Variants in FAM171B observed in about 807,000 individuals in gnomAD.
FAM171B encodes family with sequence similarity 171 member B, also known as protein FAM171B.
A neutral mutation model predicts 75.6 loss-of-function variants in FAM171B; 19 were observed. That is an observed-to-expected ratio of 0.25 (90% CI 0.18 to 0.37). FAM171B has a LOEUF of 0.37. Ranked by LOEUF, FAM171B falls within the 10% of genes least tolerant of loss-of-function variation. The pLI is 1.00. For missense variants in FAM171B, 848 were observed against 982.4 expected (o/e 0.86, Z 1.83); for synonymous variants, 367 against 361.7 (o/e 1.01, Z -0.17).
At position 186,753,993 on chromosome 2, in the gene FAM171B, C is replaced by T. The variant is rs371412229; in HGVS notation, c.956C>T (p.Thr319Ile). The T allele has an allele frequency of 2.5e-6, 4 of 1,613,240 alleles. No homozygotes were observed. The highest frequency in any genetic ancestry group is 3.4e-6 in the Non-Finnish European group (4 of 1,179,644). Residue 319 changes from threonine (T) to isoleucine (I), a missense_variant, in exon 6 of 8, where the codon ACA becomes ATA. Around this residue, in one of 3 missense-constraint regions of FAM171B, gnomAD observed 665 missense variants for 729.0 expected, o/e 0.91. Coordinates refer to ENST00000304698, the MANE Select transcript of FAM171B (RefSeq NM_177454.4). ...GAACATAACAATCATTTAATCTGGA[C>T]ATATGATGCACCACATTTGGGGTAC... ...VKEHNNHLIW[T>I]YDAPHLGYWI... is the part of the protein sequence containing the mutation.
At chr2:186,740,693 G>T (rs768965868) in intron 2 of FAM171B, among the ~76,000 whole-genome samples, 38 of 152,140 alleles carry the variant, frequency 2.5e-4, no homozygotes, top group Admixed American at 4.6e-4. Flanking sequence ...TTTATTTCTT[G>T]CAGTTCTGGA....
Position 186,740,396 on chromosome 2 carries a change from C to G in FAM171B, c.407C>G (p.Thr136Ser), listed in dbSNP as rs200992002. 6.2e-7 allele frequency: 1 copy of G among 1,614,026 alleles called. No homozygotes were observed. The highest frequency in any genetic ancestry group is 1.6e-4 in the Middle Eastern group (1 of 6,062). Residue 136 changes from threonine (T) to serine (S), a missense_variant, in exon 2 of 8, where the codon ACT (threonine) becomes AGT (serine). Physicochemically the swap from Thr to Ser is moderately conservative, Grantham distance 58. Transcript: ENST00000304698. ...KVPYKLGLSL[T>S]IIAYKDGYVL... ...CCCTACAAATTAGGACTTAGTTTAACTATTATTGCTTACAAAGATGGCTAC... is the reference window on the plus strand; with the variant it reads ...CCCTACAAATTAGGACTTAGTTTAAGTATTATTGCTTACAAAGATGGCTAC...
chr2:186,702,658 A>G (rs1423633588), intron 1 of FAM171B, among the ~76,000 whole-genome samples: 1 of 152,150 alleles, frequency 6.6e-6, no homozygotes, highest in Admixed American at 6.6e-5. Context: ...AGTGATTCAG[A>G]GTGCCATTTC....
At position 186,707,148 on chromosome 2, in the gene FAM171B, A is replaced by G. The variant is rs1689743328; in HGVS notation, c.238+12737A>G. 2.6e-5 allele frequency among the ~76,000 whole-genome samples: 4 copies of G among 152,296 alleles called. No individual in the cohort carries two copies. In the South Asian group the frequency reaches 8.3e-4, roughly 32 times the overall value. ...ATCTTTATGTGGATATATCACAGGT[A>G]TCACAGTTTAATAATAAAACTAGAC... On this transcript the variant is annotated intron_variant, in intron 1 of 7. Transcript: ENST00000304698.
chr2:186,735,733 A>G (rs1251369766), intron 1 of FAM171B, among the ~76,000 whole-genome samples: 1 of 152,186 alleles, frequency 6.6e-6, no homozygotes, highest in Admixed American at 6.5e-5. Context: ...CATAAAGGCA[A>G]TCTCAGGCAC....
At position 186,756,646 on chromosome 2, in the gene FAM171B, G is replaced by A. The variant is rs151268297; in HGVS notation, c.1012+2597G>A. On this transcript the variant is annotated intron_variant, in intron 6 of 7. Transcript: ENST00000304698. ...ACCAGTTCTCCAATTTTCAGTGGAC[G>A]TTGATTATATCCTATAATTCAATTC... Among the ~76,000 whole-genome samples the A allele has an allele frequency of 1.2e-3, 190 of 152,202 alleles. 1 individual carries two copies. The highest frequency in any genetic ancestry group is 4.2e-3 in the African/African-American group (173 of 41,520).
intron 1 of FAM171B, among the ~76,000 whole-genome samples, chr2:186,721,586 T>A (rs113058001): frequency 0.024 from 3,647 of 152,346 alleles, 69 homozygotes; most frequent in Middle Eastern, 0.058. Context: ...GACTGATTTC[T>A]TGCTTAACAT....
chr2:186,701,384 A>G (rs1475497849), intron 1 of FAM171B, among the ~76,000 whole-genome samples: 4 of 152,044 alleles, frequency 2.6e-5, no homozygotes, highest in Non-Finnish European at 4.4e-5. Flanking sequence ...ACTCTCACCA[A>G]ATTTCCAGTA....
chr2:186,710,519 A>G (rs778475188), intron 1 of FAM171B, among the ~76,000 whole-genome samples: 16 of 152,084 alleles, frequency 1.1e-4, no homozygotes, highest in South Asian at 4.1e-4. Context: ...TAAGTGTCCA[A>G]TGACAGTGTT....
intron 1 of FAM171B, among the ~76,000 whole-genome samples, chr2:186,734,841 AT>A (rs1359721352): frequency 1.3e-5 from 2 of 152,204 alleles, no homozygotes; most frequent in Admixed American, 1.3e-4. Context: ...GGGCTGGCCT[AT>A]CATTGCTGCC....
chr2:186,707,460 G>C (rs1011697202), intron 1 of FAM171B, among the ~76,000 whole-genome samples: 8 of 152,142 alleles, frequency 5.3e-5, no homozygotes, highest in African/African-American at 1.9e-4. Context: ...GTCCATTCTT[G>C]ATGCTCTGAA....
intron 1 of FAM171B, among the ~76,000 whole-genome samples, chr2:186,719,825 C>T (rs1689926403): frequency 6.6e-6 from 1 of 152,158 alleles, no homozygotes; most frequent in Non-Finnish European, 1.5e-5. Context: ...CCCCAGGAAA[C>T]AATTGTAAAT....
chr2:186,763,308 T>C lies in FAM171B; in HGVS notation c.*485T>C, dbSNP rs1690651736. ...TAACTTGATAAATGACTTGGACTGA[T>C]GTTACTCTGGAGTTATCACAAAGAA... On this transcript the variant is annotated 3_prime_UTR_variant, in exon 8 of 8. Transcript: ENST00000304698. The C allele has an allele frequency of 6.4e-6, 1 of 155,772 alleles. No individual in the cohort carries two copies. The allele number at this position is 155,772 out of a possible 1,614,324, so 9.6% of individuals were successfully genotyped here.
In FAM171B at chr2:186,765,149, T is replaced by C. The variant is rs576924184; in HGVS notation, c.*2326T>C. 1.3e-5 allele frequency: 2 copies of C among 152,118 alleles called. No individual in the cohort carries two copies. The highest frequency in any genetic ancestry group is 2.1e-4 in the South Asian group (1 of 4,818). The allele number at this position is 152,118 out of a possible 1,614,324, so 9.4% of individuals were successfully genotyped here. On this transcript the variant is annotated 3_prime_UTR_variant, in exon 8 of 8. Transcript: ENST00000304698. ...TTCTCATTTGTGAGTAGTTCACAAA[T>C]TTCCTGTTAAAAAGCTGAAACCATC...
chr2:186,721,902 A>C (rs1216375602), intron 1 of FAM171B, among the ~76,000 whole-genome samples: 1 of 151,892 alleles, frequency 6.6e-6, no homozygotes, highest in Admixed American at 6.6e-5. Flanking sequence ...AAAAAAAAAA[A>C]ACCATATTTG....
chr2:186,726,759 C>A (rs542377663), intron 1 of FAM171B, among the ~76,000 whole-genome samples: 24 of 151,902 alleles, frequency 1.6e-4, no homozygotes, highest in Non-Finnish European at 2.8e-4. Context: ...TCAAAATTTC[C>A]AGGTTAAATA....
intron 1 of FAM171B, among the ~76,000 whole-genome samples, chr2:186,717,398 G>A (rs1689889462): frequency 6.6e-6 from 1 of 152,142 alleles, no homozygotes; most frequent in African/African-American, 2.4e-5. Context: ...GATTCTCAAA[G>A]GGATTAAAGA....
intron 1 of FAM171B, among the ~76,000 whole-genome samples, chr2:186,698,016 T>TC (rs1237861880): frequency 6.6e-6 from 1 of 152,198 alleles, no homozygotes; most frequent in Non-Finnish European, 1.5e-5. Flanking sequence ...AATTGTTTTC[T>TC]CCAGTGTATA....
Position 186,761,149 on chromosome 2 carries a change from C to T in FAM171B, c.1049C>T (p.Ala350Val), listed in dbSNP as rs780869954. The change falls in exon 7 of 8, where the codon GCC (alanine) becomes GTC (valine). Residue 350 changes from alanine to valine, a missense_variant. Physicochemically the swap from Ala to Val is moderately conservative, Grantham distance 64 (BLOSUM62 0). Transcript: ENST00000304698. ...GINEDSKDITAYHTVFLTAIL... is the reference protein window; with the variant it reads ...GINEDSKDITVYHTVFLTAIL... ...AATGAAGATTCCAAGGACATAACTG[C>T]CTACCACACAGTGTTTCTTACAGCC... 6 of 1,611,918 alleles carry T rather than the reference C, an allele frequency of 3.7e-6. No homozygotes were observed. Among genetic ancestry groups the T allele is most frequent in the South Asian group, 1.1e-5 (1 of 90,800 alleles).
Sources: gnomAD v4.1 joint callset for allele counts (sites outside exome capture counted in the v4.1 genomes callset) on GRCh38, gnomAD v4.1.1 for gene constraint, gnomAD v4.1.1 regional missense constraint, MANE v1.5 for transcripts, NCBI Gene and HGNC (gene_info 2026-07-23, HGNC 2026-07-21) for gene names.